The following COL6A6 variants were observed in gnomAD, a reference collection of about 807,000 sequenced individuals.
COL6A6 encodes the protein collagen alpha-6(VI) chain.
In COL6A6, 183 loss-of-function variants were observed where a neutral mutation model predicts 208.6. The ratio of observed to expected loss-of-function variants is 0.88; its 90% confidence interval spans 0.78 to 0.99. COL6A6 has a LOEUF of 0.99. Among genes scored for constraint, COL6A6 ranks in the 50% least tolerant of loss-of-function variants. The pLI, the probability that COL6A6 is intolerant of heterozygous loss-of-function variation, is 0.00. For synonymous variants in COL6A6, 973 were observed against 1,011.8 expected, an observed-to-expected ratio of 0.96 and a Z score of 0.73; for missense variants, 2,816 against 2,815.2, an observed-to-expected ratio of 1.00 and a Z score of -0.01.
chr3:130,525,627 C>CG (rs2061944071), intron 1 of COL6A6, among the ~76,000 whole-genome samples: 4 of 152,056 alleles, frequency 2.6e-5, no homozygotes, highest in Admixed American at 2.6e-4. Flanking sequence ...TTGTCGATCT[C>CG]GGGAAAAAGA....
chr3:130,551,908 A>T (rs2062651685), intron 1 of COL6A6, among the ~76,000 whole-genome samples: 1 of 152,066 alleles, frequency 6.6e-6, no homozygotes, highest in African/African-American at 2.4e-5. Context: ...CCTTAATTTC[A>T]TTATTTACCC....
At chr3:130,562,518 C>T (rs748772856) in intron 2 of COL6A6, among the ~76,000 whole-genome samples, 5 of 151,950 alleles carry the variant, frequency 3.3e-5, no homozygotes, top group Non-Finnish European at 7.4e-5. Context: ...TTTTTTTAAA[C>T]TTAATGTGAC....
chr3:130,565,984 C>G (rs1008140633), intron 4 of COL6A6, among the ~76,000 whole-genome samples: 13 of 152,088 alleles, frequency 8.5e-5, no homozygotes, highest in Non-Finnish European at 1.2e-4. Flanking sequence ...CTTTTCTCAC[C>G]CAAATCATCT....
chr3:130,542,898 CTT>C (rs56339748), intron 1 of COL6A6, among the ~76,000 whole-genome samples: 8 of 92,600 alleles, frequency 8.6e-5, no homozygotes, highest in Admixed American at 5.9e-4. Context: ...TCCATTCACT[CTT>C]TTTTTTTTTT....
At chr3:130,619,574 C>A (rs1345572241) in intron 23 of COL6A6, among the ~76,000 whole-genome samples, 1 of 152,164 alleles carries the variant, frequency 6.6e-6, no homozygotes, top group Non-Finnish European at 1.5e-5. Context: ...GTAACATCAG[C>A]CTGACATTTT....
At chr3:130,671,946 A>G (rs1244714399) in intron 36 of COL6A6, among the ~76,000 whole-genome samples, 2 of 152,260 alleles carry the variant, frequency 1.3e-5, no homozygotes, top group African/African-American at 4.8e-5. Flanking sequence ...ACTTTAAAGC[A>G]GTGATAGGCC....
At chr3:130,658,826 C>T in intron 34 of COL6A6, 54 bp downstream of exon 34, 1 of 1,281,340 alleles carries the variant, frequency 7.8e-7, no homozygotes, top group Non-Finnish European at 1.1e-6. Context: ...CATGATGAGT[C>T]ACCACTGGCA....
At chr3:130,577,527 G>T (rs1332881414) in intron 8 of COL6A6, among the ~76,000 whole-genome samples, 1 of 152,190 alleles carries the variant, frequency 6.6e-6, no homozygotes, top group Non-Finnish European at 1.5e-5. Flanking sequence ...ACCACTTCCT[G>T]CTGTCACTTC....
rs145840970 is a variant in COL6A6 at position 130,669,864 on chromosome 3, A to C, written c.6596+4768A>C. ...TGGGAGTGTCTCTATTTCTGTGGTA[A>C]ATTATTCTGTACAAACACACATATA... On this transcript the variant is annotated intron_variant, in intron 36 of 36. Transcript: ENST00000358511. 6.6e-5 allele frequency among the ~76,000 whole-genome samples: 10 copies of C among 152,326 alleles called. No individual in the cohort carries two copies. The East Asian group carries it at 1.7e-3, about 26-fold the overall frequency.
intron 1 of COL6A6, among the ~76,000 whole-genome samples, chr3:130,539,229 G>A (rs1200570036): frequency 6.6e-6 from 1 of 152,214 alleles, no homozygotes; most frequent in Non-Finnish European, 1.5e-5. Context: ...TGGCCGCCAT[G>A]GCTCAGTGAC....
rs6775996 is a variant in COL6A6 at position 130,569,127 on chromosome 3, C to A, written c.2401+523C>A. Among the ~76,000 whole-genome samples the A allele has an allele frequency of 5.3e-5, 8 of 152,356 alleles. No individual in the cohort carries two copies. In the South Asian group the frequency reaches 1.7e-3, roughly 32 times the overall value. On this transcript the variant is annotated intron_variant, in intron 6 of 36. Transcript: ENST00000358511. The stretch of plus-strand genomic sequence containing the variant: ...GGCTACATGTGGGTTGCTGAGGCAG[C>A]CCTGGCATTTATCCTCCTGGGCAAG...
chr3:130,603,382 C>T (rs2064083336), intron 20 of COL6A6, among the ~76,000 whole-genome samples: 1 of 152,274 alleles, frequency 6.6e-6, no homozygotes, highest in Admixed American at 6.5e-5. Context: ...TCCCCCCTTT[C>T]CTGCTGAGAA....
At position 130,675,541 on chromosome 3, in the gene COL6A6, T is replaced by G. The variant is rs2066338895; in HGVS notation, c.*144T>G. The G allele has an allele frequency of 9.1e-6, 5 of 549,358 alleles. No homozygotes were observed. In the Admixed American group the frequency reaches 1.3e-4, roughly 14 times the overall value. 34.0% of individuals were successfully genotyped at this position (549,358 alleles called of 1,614,324 possible). ...CTGCATTCATTGGTATTAAGATATA[T>G]CTTGTTCATTTATTTGACCACTCCT... On this transcript the variant is annotated 3_prime_UTR_variant, in exon 37 of 37. Transcript: ENST00000358511.
intron 32 of COL6A6, among the ~76,000 whole-genome samples, chr3:130,647,022 G>A (rs909545107): frequency 6.6e-6 from 1 of 152,172 alleles, no homozygotes; most frequent in Non-Finnish European, 1.5e-5. Context: ...TAGGTTACAT[G>A]GCAGTGGTTT....
chr3:130,583,135 A>G (rs2063462325), intron 10 of COL6A6, among the ~76,000 whole-genome samples: 1 of 152,218 alleles, frequency 6.6e-6, no homozygotes, highest in Non-Finnish European at 1.5e-5. Context: ...CTCTCAGGTT[A>G]GCTAATAGGG....
intron 33 of COL6A6, among the ~76,000 whole-genome samples, chr3:130,655,542 A>T (rs2065764356): frequency 6.6e-6 from 1 of 152,156 alleles, no homozygotes; most frequent in Admixed American, 6.5e-5. Flanking sequence ...AAGAGAACTC[A>T]CCCATGATCC....
chr3:130,563,279 C>T lies in COL6A6; in HGVS notation c.276C>T (p.Asn92=). ...TCAAAGGCAGGAGCCCCATGCTGAA[C>T]CACCTAAGGAAGAACTTTGGATTCA... The part of the protein sequence containing the change: ...STFKGRSPML[N]HLRKNFGFIG... The change falls in exon 3 of 37, where the codon AAC becomes AAT. Residue 92 remains asparagine (N), a synonymous_variant. Coordinates refer to ENST00000358511, the MANE Select transcript of COL6A6 (RefSeq NM_001102608.3). 1 of 1,613,980 alleles carries T rather than the reference C, an allele frequency of 6.2e-7. No homozygotes were observed. Among genetic ancestry groups the T allele is most frequent in the Non-Finnish European group, 8.5e-7 (1 of 1,179,888 alleles).
chr3:130,540,738 ATAAG>A (rs1306796560), intron 1 of COL6A6, among the ~76,000 whole-genome samples: 1 of 152,026 alleles, frequency 6.6e-6, no homozygotes, highest in African/African-American at 2.4e-5. Flanking sequence ...GCTCCTACTT[ATAAG>A]TAAGAACATG....
intron 23 of COL6A6, among the ~76,000 whole-genome samples, chr3:130,613,542 C>A (rs1247324312): frequency 2.0e-5 from 3 of 152,100 alleles, no homozygotes; most frequent in Non-Finnish European, 4.4e-5. Context: ...TTTTCTATTT[C>A]TGTGAAGAAT....
Sources: gnomAD v4.1 joint callset for allele counts (sites outside exome capture counted in the v4.1 genomes callset) on GRCh38, gnomAD v4.1.1 for gene constraint, MANE v1.5 for transcripts, NCBI Gene and HGNC (gene_info 2026-07-23, HGNC 2026-07-21) for gene names.